NR3C2: variants seen among roughly 807,000 people sequenced by gnomAD.
NR3C2 encodes the protein nuclear receptor subfamily 3 group C member 2.
NR3C2 carries 15 observed loss-of-function variants against 86.4 expected under a neutral mutation model. That is an observed-to-expected ratio of 0.17 (90% CI 0.12 to 0.27). The LOEUF is 0.27. Ranked by LOEUF, NR3C2 falls within the 10% of genes least tolerant of loss-of-function variation. The pLI is 1.00. For synonymous variants in NR3C2, 458 were observed against 450.5 expected (o/e 1.02, Z -0.21); for missense variants, 960 against 1,195.6 (o/e 0.80, Z 2.91).
intron 4 of NR3C2, among the ~76,000 whole-genome samples, chr4:148,182,349 G>C (rs777235030): frequency 2.6e-5 from 4 of 151,624 alleles, no homozygotes. Flanking sequence ...AATCATAAAA[G>C]AAAAAAAATT....
intron 2 of NR3C2, among the ~76,000 whole-genome samples, chr4:148,366,378 G>C (rs1746113030): frequency 3.6e-4 from 1 of 2,788 alleles, no homozygotes; most frequent in Non-Finnish European, 6.3e-4. Flanking sequence ...GCATACCAAG[G>C]TACCCCATGT....
chr4:148,088,682 G>A (rs1403935601), intron 8 of NR3C2, among the ~76,000 whole-genome samples: 2 of 151,852 alleles, frequency 1.3e-5, no homozygotes, highest in Non-Finnish European at 2.9e-5. Flanking sequence ...CATGGACACA[G>A]GGAGGGGAAC....
chr4:148,378,359 A>G (rs2126428562), intron 2 of NR3C2, among the ~76,000 whole-genome samples: 1 of 151,364 alleles, frequency 6.6e-6, no homozygotes, highest in East Asian at 1.9e-4. Flanking sequence ...ATGAAGATAT[A>G]CACCCCACAC....
chr4:148,444,744 G>C, upstream of NR3C2: 1 of 985,086 alleles, frequency 1.0e-6, no homozygotes, highest in Non-Finnish European at 1.2e-6. Flanking sequence ...GCGCCAAATC[G>C]CGCAGAGGGG....
chr4:148,202,693 C>T (rs1736786193), intron 3 of NR3C2, among the ~76,000 whole-genome samples: 1 of 152,160 alleles, frequency 6.6e-6, no homozygotes, highest in Non-Finnish European at 1.5e-5. Flanking sequence ...AAGTTAACAC[C>T]AGAGTCCCTG....
chr4:148,201,344 G>A (rs1736712291), intron 3 of NR3C2, among the ~76,000 whole-genome samples: 1 of 152,172 alleles, frequency 6.6e-6, no homozygotes, highest in Non-Finnish European at 1.5e-5. Context: ...AACCATTTCA[G>A]AAAAAGGAAC....
At chr4:148,301,217 T>A (rs1361163534) in intron 2 of NR3C2, among the ~76,000 whole-genome samples, 1 of 152,082 alleles carries the variant, frequency 6.6e-6, no homozygotes, top group Non-Finnish European at 1.5e-5. Flanking sequence ...GTGTGTAATG[T>A]CTATTAAAAA....
At chr4:148,196,770 T>C (rs2149804363) in intron 3 of NR3C2, among the ~76,000 whole-genome samples, 1 of 152,302 alleles carries the variant, frequency 6.6e-6, no homozygotes, top group South Asian at 2.1e-4. Flanking sequence ...AACCCTGCCA[T>C]TATAATAATC....
chr4:148,249,728 A>C (rs1418827905), intron 3 of NR3C2, among the ~76,000 whole-genome samples: 1 of 152,200 alleles, frequency 6.6e-6, no homozygotes, highest in African/African-American at 2.4e-5. Flanking sequence ...GTGAGGTATA[A>C]GAATTCACTG....
chr4:148,208,768 C>T (rs1258267445), intron 3 of NR3C2: 2 of 152,202 alleles, frequency 1.3e-5, no homozygotes, highest in African/African-American at 4.8e-5. Context: ...TATCCTAGGC[C>T]TTTCCAGTTT....
chr4:148,185,667 C>T (rs1255725249), intron 4 of NR3C2, among the ~76,000 whole-genome samples: 1 of 152,154 alleles, frequency 6.6e-6, no homozygotes, highest in Non-Finnish European at 1.5e-5. Context: ...CCACTACTAG[C>T]ATCTCATACA....
At chr4:148,112,279 G>A (rs575628091) in intron 8 of NR3C2, among the ~76,000 whole-genome samples, 1 of 152,300 alleles carries the variant, frequency 6.6e-6, no homozygotes, top group East Asian at 1.9e-4. Context: ...CATGGAAATT[G>A]TTTCAGAATG....
intron 3 of NR3C2, among the ~76,000 whole-genome samples, chr4:148,246,475 C>T (rs1278997638): frequency 1.3e-5 from 2 of 152,196 alleles, no homozygotes; most frequent in East Asian, 3.8e-4. Context: ...TCACATTCTT[C>T]TTGTAGTCCA....
rs141295255 is a variant in NR3C2 at position 148,367,465 on chromosome 4, T to C, written c.1757+67639A>G. Among the ~76,000 whole-genome samples the C allele has an allele frequency of 1.1e-4, 16 of 152,312 alleles. 1 individual carries two copies. In the East Asian group the frequency reaches 3.1e-3, roughly 29 times the overall value. On this transcript the variant is annotated intron_variant, in intron 2 of 8. Coordinates refer to ENST00000358102, the MANE Select transcript of NR3C2 (RefSeq NM_000901.5). ...AAATGAACTTTAAAAAGTCATGGTA[T>C]TAAAATTCAGCTTGGGTTGAATACG...
chr4:148,103,233 A>C (rs1731621401), intron 8 of NR3C2, among the ~76,000 whole-genome samples: 2 of 152,044 alleles, frequency 1.3e-5, no homozygotes, highest in Non-Finnish European at 2.9e-5. Flanking sequence ...CGTGGTCCTG[A>C]CACTCCGTAT....
rs375487193 is a variant in NR3C2, at chr4:148,436,329, G to A, written c.532C>T (p.Arg178Cys). 7.4e-6 allele frequency: 12 copies of A among 1,614,140 alleles called. No individual in the cohort carries two copies. The highest frequency in any genetic ancestry group is 1.7e-5 in the Admixed American group (1 of 60,022). ...ATGATAGGGCTTTTAACAACGGCGCGCATGACGCCACCATTCACGGAGCTC... is the reference window on the plus strand; with the variant it reads ...ATGATAGGGCTTTTAACAACGGCGCACATGACGCCACCATTCACGGAGCTC... Reference protein sequence around the residue: ...SGSSVNGGVMRAVVKSPIMCH... With the variant: ...SGSSVNGGVMCAVVKSPIMCH... The change falls in exon 2 of 9, where the codon CGC (arginine) becomes TGC (cysteine). Residue 178 changes from arginine (R) to cysteine (C), a missense_variant. Arg to Cys is a radical substitution (Grantham distance 180, BLOSUM62 -3). Transcript: ENST00000358102.
intron 6 of NR3C2, 146 bp from the exon 7 acceptor site, chr4:148,120,434 T>G: frequency 2.6e-5 from 24 of 928,228 alleles, no homozygotes; most frequent in Non-Finnish European, 3.8e-5. Flanking sequence ...TAAAGACAAG[T>G]TAGATGCTTT....
At chr4:148,400,059 T>C (rs1187371560) in intron 2 of NR3C2, among the ~76,000 whole-genome samples, 1 of 152,278 alleles carries the variant, frequency 6.6e-6, no homozygotes, top group Non-Finnish European at 1.5e-5. Context: ...AAACGTTTTA[T>C]GTCTCTCTGT....
intron 2 of NR3C2, among the ~76,000 whole-genome samples, chr4:148,356,446 G>C (rs1745552118): frequency 6.6e-6 from 1 of 152,106 alleles, no homozygotes; most frequent in Non-Finnish European, 1.5e-5. Context: ...ACATCTGGGG[G>C]AGAAAAAAGT....
Sources: allele counts gnomAD v4.1 joint callset (sites outside exome capture counted in the v4.1 genomes callset), GRCh38; gene constraint gnomAD v4.1.1; transcripts MANE v1.5; gene names NCBI Gene and HGNC (gene_info 2026-07-23, HGNC 2026-07-21).